DGKE: variants seen among roughly 807,000 people sequenced by gnomAD.
DGKE encodes the protein diacylglycerol kinase epsilon, also known as DAG kinase epsilon.
DGKE carries 53 observed loss-of-function variants against 70.0 expected under a neutral mutation model. That is an observed-to-expected ratio of 0.76 (90% confidence interval 0.61 to 0.95). The LOEUF (loss-of-function observed/expected upper bound fraction) is 0.95. DGKE is among the 40% of genes least tolerant of loss of function. The pLI is 0.00. For synonymous variants in DGKE, 291 were observed against 257.0 expected (o/e 1.13, Z -1.27); for missense variants, 655 against 706.9 (o/e 0.93, Z 0.83).
intron 6 of DGKE, 119 bp from the exon 7 acceptor site, chr17:56,849,062 C>T: frequency 1.7e-6 from 2 of 1,204,828 alleles, no homozygotes; most frequent in Non-Finnish European, 2.3e-6. Context: ...TTTGCATGCT[C>T]ATATACGTGT....
chr17:56,835,256 A>G lies in DGKE; in HGVS notation c.461A>G (p.Tyr154Cys), dbSNP rs748508357. ...GGCTGTCAACCCAAGCTTTGCGATT[A>G]CAGGTATGGTCTTCGTGGACACTCA... ...QCGCQPKLCD[Y>C]RCIWCQKTVH... is the part of the protein sequence containing the mutation. The change falls in exon 2 of 12, where the codon TAC becomes TGC. Residue 154 changes from tyrosine to cysteine, a missense_variant. By Grantham distance (194) the Tyr-to-Cys change is radical. Coordinates refer to ENST00000284061, the MANE Select transcript of DGKE (RefSeq NM_003647.3). 6.2e-7 allele frequency: 1 copy of G among 1,607,770 alleles called. No individual in the cohort carries two copies. Among genetic ancestry groups the G allele is most frequent in the Non-Finnish European group, 8.5e-7 (1 of 1,178,040 alleles).
intron 9 of DGKE, among the ~76,000 whole-genome samples, chr17:56,859,685 T>C (rs1200658595): frequency 6.6e-6 from 1 of 152,234 alleles, no homozygotes; most frequent in Non-Finnish European, 1.5e-5. Context: ...CCCAAAGTGC[T>C]GGGATTACAG....
chr17:56,867,929 AAG>A lies in DGKE; in HGVS notation c.*5140_*5141del, dbSNP rs1908599911. 6.6e-6 allele frequency: 1 copy of A among 152,576 alleles called. No individual in the cohort carries two copies. The highest frequency in any genetic ancestry group is 2.4e-5 in the African/African-American group (1 of 41,462). 9.5% of individuals were successfully genotyped at this position (152,576 alleles called of 1,614,324 possible). A position where few individuals can be genotyped will look rare whatever the true frequency, so the allele number is the denominator to read the frequency against. On this transcript the variant is annotated 3_prime_UTR_variant, in exon 12 of 12. Transcript: ENST00000284061. ...TCCATCTCAAAAAAAAAAAAAAAGA[AAG>A]AAATGTGTTGCTGGTATCAGATATC...
chr17:56,860,767 A>G (rs1014328829), intron 9 of DGKE, among the ~76,000 whole-genome samples: 2 of 152,178 alleles, frequency 1.3e-5, no homozygotes, highest in Non-Finnish European at 2.9e-5. Context: ...GGCTAAAAAC[A>G]GCATCTGCAA....
intron 2 of DGKE, among the ~76,000 whole-genome samples, chr17:56,843,434 T>A (rs1318805845): frequency 1.3e-5 from 2 of 152,066 alleles, no homozygotes; most frequent in African/African-American, 2.4e-5. Flanking sequence ...GTGAAATAAC[T>A]CTTTAGTGTT....
At chr17:56,851,939 A>T (rs1177440168) in intron 7 of DGKE, among the ~76,000 whole-genome samples, 2 of 152,212 alleles carry the variant, frequency 1.3e-5, no homozygotes, top group African/African-American at 4.8e-5. Flanking sequence ...ATGGGGGCAC[A>T]CACCTGTAGT....
Position 56,862,671 on chromosome 17 carries a change from G to A in DGKE, c.1584G>A (p.Gly528=), listed in dbSNP as rs762956605. 3.7e-6 allele frequency: 6 copies of A among 1,608,256 alleles called. No individual in the cohort carries two copies. The Admixed American group carries it at 1.0e-4, about 28-fold the overall frequency. Residue 528 remains glycine, a synonymous_variant, in exon 12 of 12, where the codon GGG becomes GGA. Transcript: ENST00000284061. ...TGGATGGGGAGCCTTGGGCCCAAGGGCCCTGCACTGTCACCATAACTCACA... is the reference window on the plus strand; with the variant it reads ...TGGATGGGGAGCCTTGGGCCCAAGGACCCTGCACTGTCACCATAACTCACA... ...MQVDGEPWAQ[G]PCTVTITHKT...
Position 56,864,600 on chromosome 17 carries a change from T to G in DGKE, c.*1809T>G, listed in dbSNP as rs1567826735. The G allele has an allele frequency of 6.6e-6, 1 of 151,932 alleles. No individual in the cohort carries two copies. The highest frequency in any genetic ancestry group is 1.5e-5 in the Non-Finnish European group (1 of 67,970). 9.4% of individuals were successfully genotyped at this position (151,932 alleles called of 1,614,324 possible). On this transcript the variant is annotated 3_prime_UTR_variant, in exon 12 of 12. Transcript: ENST00000284061. ...GAGGATGGCAGAGTTTTGTTTTTTTTTTTTTTAATGGGCCAATCATGTTCT... is the reference window on the plus strand; with the variant it reads ...GAGGATGGCAGAGTTTTGTTTTTTTGTTTTTTAATGGGCCAATCATGTTCT...
rs1346141774 is a variant in DGKE, at chr17:56,869,472, T to C, written c.*6681T>C. 1 of 152,250 alleles carries C rather than the reference T, an allele frequency of 6.6e-6. No individual in the cohort carries two copies. The highest frequency in any genetic ancestry group is 6.5e-5 in the Admixed American group (1 of 15,294). The allele number at this position is 152,250 out of a possible 1,614,324, so 9.4% of individuals were successfully genotyped here. On this transcript the variant is annotated 3_prime_UTR_variant, in exon 12 of 12. Coordinates refer to ENST00000284061, the MANE Select transcript of DGKE (RefSeq NM_003647.3). ...CATCTTTTATTCATTTTATTAGGCA[T>C]TAGAGGAAGAATATTCTGTAGTCCT...
rs1907454869 is a variant in DGKE, at chr17:56,848,614, T to C, written c.889-82T>C. On this transcript the variant is annotated intron_variant, in intron 5 of 11. Coordinates refer to ENST00000284061, the MANE Select transcript of DGKE (RefSeq NM_003647.3). ...TGTTATATTTGTATCCTTACTGTTT[T>C]GGTCTTATTAAATTTTACAAAATAT... 2.9e-6 allele frequency: 4 copies of C among 1,374,326 alleles called. No homozygotes were observed. In the Admixed American group the frequency reaches 7.5e-5, roughly 26 times the overall value. 85.1% of individuals were successfully genotyped at this position (1,374,326 alleles called of 1,614,324 possible). A position where few individuals can be genotyped will look rare whatever the true frequency, so the allele number is the denominator to read the frequency against.
At chr17:56,848,151 TTTG>T (rs1016752901) in intron 5 of DGKE, 86 bp downstream of exon 5, 202 of 883,044 alleles carry the variant, frequency 2.3e-4, no homozygotes, top group Admixed American at 9.7e-4. Flanking sequence ...TTGTTGTTGT[TTTG>T]TTGTTGTTGT....
chr17:56,859,085 A>G (rs1390026181), intron 9 of DGKE, among the ~76,000 whole-genome samples: 1 of 152,036 alleles, frequency 6.6e-6, no homozygotes, highest in Non-Finnish European at 1.5e-5. Flanking sequence ...ACACAGAGGA[A>G]GTTTAAATGG....
Position 56,839,238 on chromosome 17 carries a change from G to A in DGKE, c.464+3979G>A, listed in dbSNP as rs145432596. On this transcript the variant is annotated intron_variant, in intron 2 of 11. Coordinates refer to ENST00000284061, the MANE Select transcript of DGKE (RefSeq NM_003647.3). Reference sequence around the variant, plus strand: ...GGAGAAAATGTCATTAAGAATCAGCGTGAAGGGTGGGCTTAGGGTATTCAT... The same window carrying A: ...GGAGAAAATGTCATTAAGAATCAGCATGAAGGGTGGGCTTAGGGTATTCAT... 3.1e-3 allele frequency among the ~76,000 whole-genome samples: 472 copies of A among 152,170 alleles called. 5 individuals carry two copies. Among genetic ancestry groups the A allele is most frequent in the African/African-American group, 0.01 (426 of 41,502 alleles).
chr17:56,857,722 A>G (rs1174228659), intron 8 of DGKE, among the ~76,000 whole-genome samples: 1 of 152,170 alleles, frequency 6.6e-6, no homozygotes, highest in Non-Finnish European at 1.5e-5. Flanking sequence ...TAATTCGAAT[A>G]TTTTTCTTTA....
chr17:56,862,226 G>T lies in DGKE; in HGVS notation c.1499G>T (p.Arg500Leu). 6.2e-7 allele frequency: 1 copy of T among 1,613,920 alleles called. No individual in the cohort carries two copies. The highest frequency in any genetic ancestry group is 8.5e-7 in the Non-Finnish European group (1 of 1,179,928). The change falls in exon 11 of 12, where the codon CGA becomes CTA. Residue 500 changes from arginine to leucine, a missense_variant. Transcript: ENST00000284061. ...QIQVKLANPF[R>L]IGQAHTVRLI... ...CAAGTAAAACTGGCTAATCCTTTTCGAATAGGACAGGCACATACAGTGAGG... is the reference window on the plus strand; with the variant it reads ...CAAGTAAAACTGGCTAATCCTTTTCTAATAGGACAGGCACATACAGTGAGG...
intron 8 of DGKE, among the ~76,000 whole-genome samples, chr17:56,858,087 A>AAAAG (rs1159529587): frequency 6.6e-6 from 1 of 151,046 alleles, no homozygotes; most frequent in Non-Finnish European, 1.5e-5. Context: ...AAAAAAAAAA[A>AAAAG]AAGAAAAAGA....
At chr17:56,857,339 A>G (rs1010668527) in intron 8 of DGKE, among the ~76,000 whole-genome samples, 2 of 152,200 alleles carry the variant, frequency 1.3e-5, no homozygotes, top group African/African-American at 4.8e-5. Context: ...GGCAGATGAG[A>G]TAAAAGAGCA....
chr17:56,834,642 G>A, intron 1 of DGKE, 136 bp from the exon 2 acceptor site: 1 of 822,472 alleles, frequency 1.2e-6, no homozygotes, highest in Non-Finnish European at 1.9e-6. Context: ...GAGACGGGGG[G>A]ACGAGGCGCA....
rs746656405 is a variant in DGKE at position 56,845,669 on chromosome 17, A to G, written c.625-21A>G. 8.1e-6 allele frequency: 13 copies of G among 1,600,226 alleles called. No homozygotes were observed. The Admixed American group carries it at 2.3e-4, about 28-fold the overall frequency. On this transcript the variant is annotated intron_variant, in intron 3 of 11. Coordinates refer to ENST00000284061, the MANE Select transcript of DGKE (RefSeq NM_003647.3). The stretch of plus-strand genomic sequence containing the variant: ...CATCTTTAAGATACTAAACCTTTTC[A>G]CTCATGGCAATTTTTTTTAGCTAGC...
Sources: allele counts gnomAD v4.1 joint callset (sites outside exome capture counted in the v4.1 genomes callset), GRCh38; gene constraint gnomAD v4.1.1; transcripts MANE v1.5; gene names NCBI Gene and HGNC (gene_info 2026-07-23, HGNC 2026-07-21).